The following ARL17A variants were observed in gnomAD, a reference collection of about 807,000 sequenced individuals.
ARL17A encodes ARF like GTPase 17A, also known as ADP-ribosylation factor-like 17-like.
the ARL17A span, among the ~76,000 whole-genome samples, chr17:46,502,509 T>C: frequency 6.6e-6 from 1 of 150,722 alleles, no homozygotes; most frequent in East Asian, 1.9e-4. Context: ...ACCATATTGG[T>C]CAGGCTGGTC....
At chr17:46,526,591 C>T (rs1305857265), downstream of ARL17A, among the ~76,000 whole-genome samples, 2 of 103,942 alleles carry the variant, frequency 1.9e-5, no homozygotes, top group Non-Finnish European at 4.2e-5. Context: ...TAGTTACAAC[C>T]CAGTAAATCT....
At position 46,556,877 on chromosome 17, in the gene ARL17A, AAAC is replaced by A. The variant is rs1401934524; in HGVS notation, c.*476_*478del. ...TGGGAGCAAAATGATGAGAACTCAT[AAAC>A]AACAGACACTGGGCCCTACCTGAGG... On this transcript the variant is annotated 3_prime_UTR_variant, in exon 4 of 4. Transcript: ENST00000336125. The A allele has an allele frequency of 1.9e-5, 2 of 104,544 alleles. No individual in the cohort carries two copies. Among genetic ancestry groups the A allele is most frequent in the African/African-American group, 4.5e-5 (1 of 22,006 alleles). 6.5% of individuals were successfully genotyped at this position (104,544 alleles called of 1,614,324 possible).
chr17:46,548,856 A>C (rs1410310126), downstream of ARL17A: 1 of 1,612,486 alleles, frequency 6.2e-7, no homozygotes, highest in Non-Finnish European at 8.5e-7. Flanking sequence ...CCTTCACCCA[A>C]GAGCATAAGG....
the ARL17A span, among the ~76,000 whole-genome samples, chr17:46,500,731 A>G: frequency 6.6e-6 from 1 of 151,252 alleles, no homozygotes; most frequent in East Asian, 1.9e-4. Flanking sequence ...ATGACATTCA[A>G]TGAGTAGCAA....
downstream of ARL17A, among the ~76,000 whole-genome samples, chr17:46,528,177 CT>C (rs1462745549): frequency 9.3e-6 from 1 of 107,552 alleles, no homozygotes; most frequent in Non-Finnish European, 1.9e-5. Context: ...GACATGATGG[CT>C]GAGCACCGGC....
chr17:46,548,739 T>C, downstream of ARL17A: 1 of 1,610,432 alleles, frequency 6.2e-7, no homozygotes, highest in African/African-American at 1.4e-5. Context: ...TGGAGAACGC[T>C]GCCGAAGAAA....
Position 46,534,035 on chromosome 17 carries a change from A to T in ARL17A, c.335+4316T>A, listed in dbSNP as rs1018022260. Among the ~76,000 whole-genome samples, 83 of 121,620 alleles carry T rather than the reference A, an allele frequency of 6.8e-4. 2 individuals are homozygous for T. Among genetic ancestry groups the T allele is most frequent in the African/African-American group, 3.3e-3 (81 of 24,608 alleles). 79.8% of individuals were successfully genotyped at this position (121,620 alleles called of 152,430 possible). A position where few individuals can be genotyped will look rare whatever the true frequency, so the allele number is the denominator to read the frequency against. On this transcript the variant is annotated intron_variant, in intron 4 of 4. Transcript: ENST00000329240. ...GTGTGTGGTTGCTTTGTTTTTAGAC[A>T]GGGTCTTGCTCTGTTACCCAGGCTG...
chr17:46,537,073 G>A (rs1279027196), intron 4 of ARL17A, among the ~76,000 whole-genome samples: 1 of 2,492 alleles, frequency 4.0e-4, no homozygotes, highest in Non-Finnish European at 4.1e-3. Flanking sequence ...GTTTATTGTG[G>A]TCAATTTTTT....
chr17:46,530,419 C>A (rs542778794), intron 4 of ARL17A, among the ~76,000 whole-genome samples: 1 of 144,422 alleles, frequency 6.9e-6, no homozygotes, highest in Non-Finnish European at 1.5e-5. Flanking sequence ...TGTTACAAAA[C>A]AAGTTAATGG....
Position 46,558,759 on chromosome 17 carries a change from ATGAC to A in ARL17A, c.260-1133_260-1130del, listed in dbSNP as rs1402239459. The A allele has an allele frequency of 1.5e-5, 2 of 136,298 alleles. 1 individual carries two copies. Among genetic ancestry groups the A allele is most frequent in the East Asian group, 4.6e-4 (2 of 4,354 alleles). The allele number at this position is 136,298 out of a possible 1,614,324, so 8.4% of individuals were successfully genotyped here. A position where few individuals can be genotyped will look rare whatever the true frequency, so the allele number is the denominator to read the frequency against. On this transcript the variant is annotated intron_variant, in intron 3 of 3. Transcript: ENST00000336125. ...TGAACACCCTTGGATGCTGCTTTAA[ATGAC>A]TGATCCTCGATGCCTCCCTTCTAAC...
At chr17:46,503,221 A>G in the ARL17A span, among the ~76,000 whole-genome samples, 4 of 131,396 alleles carry the variant, frequency 3.0e-5, no homozygotes, top group Non-Finnish European at 6.5e-5. Flanking sequence ...CAAAAAAAAA[A>G]AAAAATAGTC....
chr17:46,572,589 T>TA (rs1337270736), intron 2 of ARL17A, among the ~76,000 whole-genome samples: 5 of 2,032 alleles, frequency 2.5e-3, no homozygotes, highest in African/African-American at 2.6e-3. Context: ...AATTAAAAAT[T>TA]AAAAAAAAAA....
At chr17:46,540,055 A>T in intron 3 of ARL17A, 1 of 1,045,078 alleles carries the variant, frequency 9.6e-7, no homozygotes, top group South Asian at 1.6e-5. Context: ...TCTTAGGTAA[A>T]GACAGGAAAC....
intron 4 of ARL17A, among the ~76,000 whole-genome samples, chr17:46,532,130 C>A (rs1411103291): frequency 6.7e-6 from 1 of 149,952 alleles, no homozygotes; most frequent in Non-Finnish European, 1.5e-5. Context: ...AACTCCTAAC[C>A]TCAGATGATC....
chr17:46,520,954 T>A lies in ARL17A; in HGVS notation c.260-3721A>T, dbSNP rs1354830326. 3.7e-5 allele frequency among the ~76,000 whole-genome samples: 3 copies of A among 81,716 alleles called. 1 individual carries two copies. The highest frequency in any genetic ancestry group is 1.1e-4 in the African/African-American group (3 of 28,242). The allele number at this position is 81,716 out of a possible 152,430, so 53.6% of individuals were successfully genotyped here. A position where few individuals can be genotyped will look rare whatever the true frequency, so the allele number is the denominator to read the frequency against. ...TAGCTGAATTATATCAATATTATCATCAAGAATATTAAGCTACCAAGAGAA... is the reference window on the plus strand; with the variant it reads ...TAGCTGAATTATATCAATATTATCAACAAGAATATTAAGCTACCAAGAGAA... On this transcript the variant is annotated intron_variant, in intron 3 of 4. Coordinates refer to the ARL17A transcript ENST00000445552.
chr17:46,534,267 G>C (rs1480016261), intron 4 of ARL17A, among the ~76,000 whole-genome samples: 6 of 142,926 alleles, frequency 4.2e-5, no homozygotes, highest in Non-Finnish European at 9.0e-5. Flanking sequence ...CAGGGTCATA[G>C]GACAATAGTG....
chr17:46,549,168 A>G (rs571112583), downstream of ARL17A: 77 of 1,611,374 alleles, frequency 4.8e-5, 1 homozygote, highest in Admixed American at 1.8e-4. Flanking sequence ...ACAGGCTTCC[A>G]TTCTCTGCAG....
chr17:46,534,214 T>C (rs1431081837), intron 4 of ARL17A, among the ~76,000 whole-genome samples: 1 of 148,260 alleles, frequency 6.7e-6, no homozygotes, highest in Non-Finnish European at 1.5e-5. Context: ...TTAATTTTTT[T>C]TTATTGATCA....
chr17:46,502,734 T>G, the ARL17A span, among the ~76,000 whole-genome samples: 1 of 151,266 alleles, frequency 6.6e-6, no homozygotes, highest in African/African-American at 2.5e-5. Context: ...TTTGTTTTTG[T>G]TTTTGTTTCA....
Sources: gnomAD v4.1 joint callset for allele counts (sites outside exome capture counted in the v4.1 genomes callset) on GRCh38, gnomAD v4.1.1 for gene constraint, MANE v1.5 for transcripts, NCBI Gene and HGNC (gene_info 2026-07-23, HGNC 2026-07-21) for gene names.